The following ATXN3 variants were observed in gnomAD, a reference collection of about 807,000 sequenced individuals.
The protein encoded by ATXN3 is ataxin-3.
A neutral mutation model predicts 58.2 loss-of-function variants in ATXN3; 28 were observed. The observed-to-expected ratio is 0.48, with a 90% CI of 0.36 to 0.66. The LOEUF is 0.66. Among genes scored for constraint, ATXN3 ranks in the 30% least tolerant of loss-of-function variants. The probability of loss-of-function intolerance (pLI) is 0.00; values close to 1 mark genes in which losing one functional copy is unlikely to be tolerated. For missense variants in ATXN3, 321 were observed against 422.1 expected, an observed-to-expected ratio of 0.76 and a Z score of 2.10; for synonymous variants, 113 against 138.5, an observed-to-expected ratio of 0.82 and a Z score of 1.29.
At chr14:92,103,364 C>G (rs7149662) in intron 1 of ATXN3, among the ~76,000 whole-genome samples, 44,141 of 152,086 alleles carry the variant, frequency 0.29, 6,643 homozygotes, top group Admixed American at 0.38. Context: ...TTACAGAAAA[C>G]TTGTTTACTT....
At chr14:92,073,011 C>T (rs1452673850) in intron 9 of ATXN3, among the ~76,000 whole-genome samples, 1 of 152,196 alleles carries the variant, frequency 6.6e-6, no homozygotes, top group Non-Finnish European at 1.5e-5. Flanking sequence ...AGTATCCTCC[C>T]ATTAGCAAAT....
At chr14:92,099,852 G>A (rs563848209) in intron 1 of ATXN3, among the ~76,000 whole-genome samples, 1 of 150,062 alleles carries the variant, frequency 6.7e-6, no homozygotes, top group South Asian at 2.1e-4. Context: ...ATGGGTGACA[G>A]GGCAAGACCA....
intron 10 of ATXN3, among the ~76,000 whole-genome samples, chr14:92,066,530 C>T (rs912422970): frequency 5.3e-5 from 8 of 150,094 alleles, no homozygotes; most frequent in Non-Finnish European, 1.0e-4. Flanking sequence ...GAAGACAAAT[C>T]GTTAATTTTC....
chr14:92,071,388 A>G (rs10467856), intron 9 of ATXN3, among the ~76,000 whole-genome samples: 43,731 of 151,742 alleles, frequency 0.29, 6,692 homozygotes, highest in East Asian at 0.44. Flanking sequence ...TTGAGGTCAG[A>G]AGTTTGACAC....
At chr14:92,102,070 T>C (rs1206627232) in intron 1 of ATXN3, among the ~76,000 whole-genome samples, 10 of 148,374 alleles carry the variant, frequency 6.7e-5, no homozygotes, top group African/African-American at 2.2e-4. Flanking sequence ...GGAGAATCTC[T>C]TGAACTCAGG....
At chr14:92,079,548 G>T (rs1387931628) in intron 9 of ATXN3, 1 of 458,258 alleles carries the variant, frequency 2.2e-6, no homozygotes, top group Non-Finnish European at 2.9e-6. Flanking sequence ...ATTTATAGGT[G>T]CTGCTAATAT....
At chr14:92,075,962 A>G (rs1595664098) in intron 9 of ATXN3, among the ~76,000 whole-genome samples, 1 of 152,332 alleles carries the variant, frequency 6.6e-6, no homozygotes, top group Non-Finnish European at 1.5e-5. Flanking sequence ...GCTGGTAACC[A>G]TCACTGCACA....
chr14:92,056,106 A>C (rs1482647865), downstream of ATXN3, among the ~76,000 whole-genome samples: 2 of 143,320 alleles, frequency 1.4e-5, no homozygotes, highest in African/African-American at 5.4e-5. Context: ...GTGGCATAGA[A>C]TCTGCTCCCT....
At chr14:92,048,604 G>A (rs1235104945) in intron 1 of ATXN3, among the ~76,000 whole-genome samples, 1 of 152,180 alleles carries the variant, frequency 6.6e-6, no homozygotes, top group East Asian at 1.9e-4. Flanking sequence ...AAAGAAAAAG[G>A]AGCATTACCC....
intron 9 of ATXN3, among the ~76,000 whole-genome samples, chr14:92,075,156 GTTTTTTTTTTTTTTTT>G: frequency 9.0e-6 from 1 of 111,356 alleles, no homozygotes; most frequent in South Asian, 2.9e-4. Context: ...GTAATAGGGA[GTTTTTTTTTTTTTTTT>G]TTTTTTTTTG....
downstream of ATXN3, among the ~76,000 whole-genome samples, chr14:92,058,146 G>A (rs747549538): frequency 6.6e-6 from 1 of 152,208 alleles, no homozygotes; most frequent in Non-Finnish European, 1.5e-5. Context: ...AATGGACTGT[G>A]CTGGCCTGCG....
intron 9 of ATXN3, among the ~76,000 whole-genome samples, chr14:92,075,156 G>GT (rs376552690): frequency 0.029 from 3,232 of 111,156 alleles, 106 homozygotes; most frequent in Non-Finnish European, 0.038. Flanking sequence ...GTAATAGGGA[G>GT]TTTTTTTTTT....
intron 1 of ATXN3, among the ~76,000 whole-genome samples, chr14:92,097,903 T>C (rs571822056): frequency 2.6e-5 from 4 of 152,274 alleles, no homozygotes; most frequent in African/African-American, 9.6e-5. Flanking sequence ...GCATTTTCAT[T>C]TGGTAACATT....
At chr14:92,093,889 A>G (rs758286813) in intron 3 of ATXN3, 58 bp from the exon 4 acceptor site, 11 of 1,053,818 alleles carry the variant, frequency 1.0e-5, no homozygotes, top group Non-Finnish European at 1.5e-5. Context: ...AAATTTAGGA[A>G]GTGTAGCTAT....
intron 7 of ATXN3, 91 bp downstream of exon 7, chr14:92,083,035 C>T (rs558289000): frequency 1.4e-6 from 2 of 1,455,912 alleles, no homozygotes; most frequent in African/African-American, 1.4e-5. Context: ...TCGCCAACAA[C>T]ACAAGGACCA....
At chr14:92,093,523 C>T in intron 4 of ATXN3, 1 of 622,214 alleles carries the variant, frequency 1.6e-6, no homozygotes, top group Admixed American at 3.0e-5. Context: ...TCATGCACCA[C>T]TTATGGGGTC....
At chr14:92,070,217 AT>A in intron 10 of ATXN3, among the ~76,000 whole-genome samples, 1 of 152,246 alleles carries the variant, frequency 6.6e-6, no homozygotes, top group Middle Eastern at 3.4e-3. Flanking sequence ...TCCCATTGTT[AT>A]TTAGATTATA....
At position 92,063,752 on chromosome 14, in the gene ATXN3, A is replaced by T. The variant is rs1242304434; in HGVS notation, c.*568T>A. 5.9e-5 allele frequency: 9 copies of T among 152,260 alleles called. No individual in the cohort carries two copies. The highest frequency in any genetic ancestry group is 5.2e-4 in the Admixed American group (8 of 15,286). The allele number at this position is 152,260 out of a possible 1,614,324, so 9.4% of individuals were successfully genotyped here. On this transcript the variant is annotated 3_prime_UTR_variant, in exon 11 of 11. Transcript: ENST00000644486. Reference sequence around the variant, plus strand: ...GGGAAAATAATGAAAACCAGGTAGCAGAAAAGTTGTGATCAGAGAAAACAA... The same window carrying T: ...GGGAAAATAATGAAAACCAGGTAGCTGAAAAGTTGTGATCAGAGAAAACAA...
At chr14:92,070,050 T>A (rs1212127693) in intron 10 of ATXN3, among the ~76,000 whole-genome samples, 5 of 152,238 alleles carry the variant, frequency 3.3e-5, no homozygotes, top group Non-Finnish European at 5.9e-5. Flanking sequence ...TTCACCTTTT[T>A]ATTGAGTTGT....
Sources: allele counts gnomAD v4.1 joint callset (sites outside exome capture counted in the v4.1 genomes callset), GRCh38; gene constraint gnomAD v4.1.1; transcripts MANE v1.5; gene names NCBI Gene and HGNC (gene_info 2026-07-23, HGNC 2026-07-21).